The following IPO8 variants were observed in gnomAD, a reference collection of about 807,000 sequenced individuals.
IPO8 encodes importin-8.
IPO8 carries 65 observed loss-of-function variants against 141.2 expected under a neutral mutation model. The observed-to-expected ratio is 0.46, with a 90% CI of 0.38 to 0.57. The LOEUF (loss-of-function observed/expected upper bound fraction) is 0.57. IPO8 is among the 20% of genes least tolerant of loss of function. The probability of loss-of-function intolerance (pLI) is 0.00; values close to 1 mark genes in which losing one functional copy is unlikely to be tolerated. For synonymous variants in IPO8, 411 were observed against 420.3 expected (o/e 0.98, Z 0.27); for missense variants, 980 against 1,246.8 (o/e 0.79, Z 3.22).
intron 11 of IPO8, 126 bp from the exon 12 acceptor site, chr12:30,665,971 T>A (rs2052959005): frequency 1.5e-6 from 1 of 687,690 alleles, no homozygotes; most frequent in Non-Finnish European, 2.4e-6. Context: ...AACTATAAGC[T>A]CAATAAGAAA....
At chr12:30,659,115 C>T (rs1036895026) in intron 16 of IPO8, among the ~76,000 whole-genome samples, 2 of 151,944 alleles carry the variant, frequency 1.3e-5, no homozygotes, top group African/African-American at 2.4e-5. Flanking sequence ...CTCCTGACCT[C>T]GTGATCCACC....
intron 3 of IPO8, 31 bp from the exon 4 acceptor site, chr12:30,681,848 T>G: frequency 6.4e-7 from 1 of 1,560,898 alleles, no homozygotes; most frequent in South Asian, 1.2e-5. Flanking sequence ...GTCCAAAATC[T>G]AAGTAATTAT....
chr12:30,650,554 A>C (rs115760660), intron 19 of IPO8, among the ~76,000 whole-genome samples: 3,267 of 152,206 alleles, frequency 0.021, 100 homozygotes, highest in African/African-American at 0.074. Flanking sequence ...TTCAAACCGC[A>C]GCTCTTCCAC....
intron 10 of IPO8, among the ~76,000 whole-genome samples, chr12:30,666,972 A>G (rs1209539333): frequency 2.0e-5 from 3 of 152,234 alleles, no homozygotes; most frequent in Non-Finnish European, 4.4e-5. Flanking sequence ...AAAACTTAAC[A>G]TATCACTTAA....
intron 5 of IPO8, among the ~76,000 whole-genome samples, chr12:30,678,620 G>A (rs930624902): frequency 1.3e-5 from 2 of 152,168 alleles, no homozygotes; most frequent in Non-Finnish European, 2.9e-5. Flanking sequence ...GACTGTACAT[G>A]TACAAAGGTA....
chr12:30,657,016 C>T (rs1029173323), intron 16 of IPO8, among the ~76,000 whole-genome samples: 3 of 151,694 alleles, frequency 2.0e-5, no homozygotes, highest in Admixed American at 1.3e-4. Flanking sequence ...TAAAAGATTT[C>T]AGTGTGAAGA....
At chr12:30,662,202 T>C (rs996197176) in intron 15 of IPO8, 125 bp downstream of exon 15, 1 of 698,888 alleles carries the variant, frequency 1.4e-6, no homozygotes, top group Admixed American at 2.7e-5. Flanking sequence ...ATGCAATCTG[T>C]CATTGACTGA....
intron 19 of IPO8, among the ~76,000 whole-genome samples, chr12:30,650,714 C>G (rs1407340366): frequency 6.6e-6 from 1 of 152,002 alleles, no homozygotes; most frequent in Non-Finnish European, 1.5e-5. Context: ...ACTTGGGGAC[C>G]ATTTGTTTTG....
intron 2 of IPO8, among the ~76,000 whole-genome samples, chr12:30,689,551 T>C (rs969169287): frequency 6.6e-6 from 1 of 152,222 alleles, no homozygotes; most frequent in African/African-American, 2.4e-5. Context: ...AAATCATATA[T>C]AGTGTTATAA....
intron 2 of IPO8, among the ~76,000 whole-genome samples, chr12:30,684,879 T>C (rs1473412725): frequency 2.0e-5 from 3 of 152,192 alleles, no homozygotes; most frequent in African/African-American, 7.2e-5. Context: ...GGGGTATCTC[T>C]TCTTTTTATA....
intron 20 of IPO8, among the ~76,000 whole-genome samples, chr12:30,642,245 G>T (rs924872382): frequency 6.6e-6 from 1 of 151,974 alleles, no homozygotes; most frequent in Non-Finnish European, 1.5e-5. Flanking sequence ...GAGTATTAGA[G>T]ACATAAAGAT....
At chr12:30,654,783 C>G (rs888822438) in intron 17 of IPO8, among the ~76,000 whole-genome samples, 1 of 151,880 alleles carries the variant, frequency 6.6e-6, no homozygotes, top group Non-Finnish European at 1.5e-5. Context: ...CTGTGGAAAG[C>G]AGTATGAAGG....
intron 17 of IPO8, among the ~76,000 whole-genome samples, chr12:30,656,053 T>C (rs1237747044): frequency 6.6e-6 from 1 of 152,234 alleles, no homozygotes; most frequent in East Asian, 1.9e-4. Flanking sequence ...TAATTCATAC[T>C]TTGAGACAGG....
intron 3 of IPO8, among the ~76,000 whole-genome samples, chr12:30,683,914 T>C (rs551896022): frequency 8.5e-5 from 13 of 152,144 alleles, no homozygotes; most frequent in African/African-American, 2.4e-4. Context: ...TTAAGACAGG[T>C]AGTAGGTAAA....
In IPO8 at chr12:30,680,635, A is replaced by G. The variant is rs756723921; in HGVS notation, c.486T>C (p.Tyr162=). The G allele has an allele frequency of 1.9e-6, 3 of 1,608,110 alleles. No individual in the cohort carries two copies. The highest frequency in any genetic ancestry group is 2.5e-6 in the Non-Finnish European group (3 of 1,177,924). Reference sequence around the variant, plus strand: ...GAGGTTCTCTCTCTTCTGCTTTCTTATATCTACATGAGCAAAGACAAAAAC... The same window carrying G: ...GAGGTTCTCTCTCTTCTGCTTTCTTGTATCTACATGAGCAAAGACAAAAAC... ...CLYQLVKTYE[Y]KKAEEREPLI... is the part of the protein sequence containing the mutation. Residue 162 remains tyrosine (Y), a synonymous_variant, in exon 5 of 25, where the codon TAT becomes TAC. Coordinates refer to ENST00000256079, the MANE Select transcript of IPO8 (RefSeq NM_006390.4).
chr12:30,632,027 A>G lies in IPO8; in HGVS notation c.2900-16T>C. ...CTCTGCACAGCTGTTGCATTTTGGG[A>G]GGAAAAGACAGGAGGGTACAGCGAC... On this transcript the variant is annotated splice_polypyrimidine_tract_variant and intron_variant, in intron 23 of 24. Transcript: ENST00000256079. The G allele has an allele frequency of 6.5e-7, 1 of 1,532,116 alleles. No homozygotes were observed. Among genetic ancestry groups the G allele is most frequent in the Non-Finnish European group, 9.0e-7 (1 of 1,109,786 alleles). The allele number at this position is 1,532,116 out of a possible 1,614,324, so 94.9% of individuals were successfully genotyped here.
intron 20 of IPO8, among the ~76,000 whole-genome samples, chr12:30,648,517 A>C (rs2052679446): frequency 6.6e-6 from 1 of 152,218 alleles, no homozygotes; most frequent in African/African-American, 2.4e-5. Flanking sequence ...CCATGTATGT[A>C]TACACTTTAA....
At chr12:30,679,951 C>T (rs957973514) in intron 5 of IPO8, among the ~76,000 whole-genome samples, 6 of 151,790 alleles carry the variant, frequency 4.0e-5, no homozygotes, top group African/African-American at 9.7e-5. Flanking sequence ...CATTTCTTTC[C>T]GGATTCCCAT....
At chr12:30,652,749 AAACT>A (rs2136140433) in intron 18 of IPO8, among the ~76,000 whole-genome samples, 1 of 152,220 alleles carries the variant, frequency 6.6e-6, no homozygotes, top group Admixed American at 6.5e-5. Context: ...CTCTGGTCAT[AAACT>A]AACTTAAGAC....
Sources: gnomAD v4.1 joint callset for allele counts (sites outside exome capture counted in the v4.1 genomes callset) on GRCh38, gnomAD v4.1.1 for gene constraint, MANE v1.5 for transcripts, NCBI Gene and HGNC (gene_info 2026-07-23, HGNC 2026-07-21) for gene names.